The following RUSF1 variants were observed in gnomAD, a reference collection of about 807,000 sequenced individuals.
RUSF1 encodes the protein RUS1 family protein C16orf58.
In RUSF1, 58 loss-of-function variants were observed where a neutral mutation model predicts 63.0. That is an observed-to-expected ratio of 0.92 (90% CI 0.75 to 1.15). The LOEUF is 1.15. RUSF1 is among the 50% of genes most tolerant of loss of function. RUSF1 has a pLI of 0.00. For missense variants in RUSF1, 652 were observed against 611.0 expected (o/e 1.07, Z -0.71); for synonymous variants, 274 against 255.8 (o/e 1.07, Z -0.68).
At position 31,489,560 on chromosome 16, in the gene RUSF1, T is replaced by G; in HGVS notation, c.*1275A>C. The G allele has an allele frequency of 1.7e-6, 1 of 604,754 alleles. No homozygotes were observed. The highest frequency in any genetic ancestry group is 3.0e-6 in the Non-Finnish European group (1 of 338,526). 37.5% of individuals were successfully genotyped at this position (604,754 alleles called of 1,614,324 possible). ...TGTTGATGGGTTGGTGATTAAAGCC[T>G]CCCAAAGCCAATCCTTGGCATGGCC... On this transcript the variant is annotated 3_prime_UTR_variant, in exon 13 of 13. Coordinates refer to ENST00000327237, the MANE Select transcript of RUSF1 (RefSeq NM_022744.4).
chr16:31,504,885 G>A (rs761598814), intron 2 of RUSF1, among the ~76,000 whole-genome samples: 9 of 152,164 alleles, frequency 5.9e-5, no homozygotes, highest in South Asian at 2.1e-4. Context: ...GATCTAGGGC[G>A]GTGCAGGATG....
Position 31,508,204 on chromosome 16 carries a change from G to A in RUSF1, c.170C>T (p.Ala57Val), listed in dbSNP as rs1361501946. The A allele has an allele frequency of 2.6e-6, 4 of 1,564,786 alleles. No homozygotes were observed. The highest frequency in any genetic ancestry group is 2.7e-5 in the African/African-American group (2 of 73,462). ...AFTVKPEGRD[A>V]GEVGASGAPS... ...GGCCCCGGAAGCCCCCACTTCGCCC[G>A]CATCTCGTCCTTCAGGTTTGACCGT... Residue 57 changes from alanine (A) to valine (V), a missense_variant, in exon 1 of 13, where the codon GCG becomes GTG. Transcript: ENST00000327237.
intron 3 of RUSF1, among the ~76,000 whole-genome samples, chr16:31,499,849 C>A (rs1049724677): frequency 1.3e-5 from 2 of 152,100 alleles, no homozygotes; most frequent in African/African-American, 4.8e-5. Context: ...CTGCCTCTCT[C>A]CGTTCTTCTT....
intron 5 of RUSF1, among the ~76,000 whole-genome samples, chr16:31,498,204 G>A (rs2082614247): frequency 6.6e-6 from 1 of 152,176 alleles, no homozygotes; most frequent in Non-Finnish European, 1.5e-5. Flanking sequence ...GGGAACTCTA[G>A]AGAGGGGTCT....
At chr16:31,503,952 G>A (rs926728205) in intron 2 of RUSF1, among the ~76,000 whole-genome samples, 4 of 152,264 alleles carry the variant, frequency 2.6e-5, no homozygotes, top group African/African-American at 4.8e-5. Context: ...GTGAGCCACC[G>A]CACCTGGCCA....
chr16:31,503,158 G>A (rs1267509580), intron 2 of RUSF1, among the ~76,000 whole-genome samples: 10 of 152,132 alleles, frequency 6.6e-5, no homozygotes, highest in Non-Finnish European at 1.5e-4. Flanking sequence ...TGGCCAAGCT[G>A]TAAGATCTAG....
Position 31,499,526 on chromosome 16 carries a change from C to T in RUSF1, c.462-1G>A, listed in dbSNP as rs1316003591. 1.9e-6 allele frequency: 3 copies of T among 1,603,008 alleles called. No individual in the cohort carries two copies. The highest frequency in any genetic ancestry group is 3.4e-5 in the Admixed American group (2 of 59,270). On this transcript the variant is annotated splice_acceptor_variant, in intron 3 of 12. Coordinates refer to ENST00000327237, the MANE Select transcript of RUSF1 (RefSeq NM_022744.4). LOFTEE classifies it high-confidence loss of function. Reference sequence around the variant, plus strand: ...CTTGGCATTGCAGTCCAGTTTGCTCCTGTTGGGGAGGAGAGGTTGTTGTAA... The same window carrying T: ...CTTGGCATTGCAGTCCAGTTTGCTCTTGTTGGGGAGGAGAGGTTGTTGTAA...
chr16:31,497,959 T>C (rs145243351), intron 5 of RUSF1, among the ~76,000 whole-genome samples: 145 of 152,268 alleles, frequency 9.5e-4, no homozygotes, highest in Non-Finnish European at 1.8e-3. Context: ...GCACGGAGGC[T>C]ACCTGGGAAG....
At chr16:31,506,783 C>T (rs898948325) in intron 2 of RUSF1, among the ~76,000 whole-genome samples, 4 of 151,260 alleles carry the variant, frequency 2.6e-5, no homozygotes, top group African/African-American at 9.7e-5. Flanking sequence ...AGTGAGACTA[C>T]GAGTCTGGAA....
intron 6 of RUSF1, among the ~76,000 whole-genome samples, chr16:31,494,829 G>A (rs544108831): frequency 4.0e-5 from 6 of 151,870 alleles, no homozygotes; most frequent in Admixed American, 1.3e-4. Flanking sequence ...CTACCACCAC[G>A]CCTCTGCTAA....
At position 31,508,068 on chromosome 16, in the gene RUSF1, G is replaced by A. The variant is rs371609654; in HGVS notation, c.300+6C>T. The A allele has an allele frequency of 1.3e-6, 2 of 1,599,300 alleles. No individual in the cohort carries two copies. Among genetic ancestry groups the A allele is most frequent in the East Asian group, 2.3e-5 (1 of 43,642 alleles). ...ACTGTCCTCTGCCCCAGACGACCGAGCTGACCTGCACGGAATCCCACAGCT... is the reference window on the plus strand; with the variant it reads ...ACTGTCCTCTGCCCCAGACGACCGAACTGACCTGCACGGAATCCCACAGCT... On this transcript the variant is annotated splice_donor_region_variant and intron_variant, in intron 1 of 12. Transcript: ENST00000327237.
chr16:31,504,393 T>G (rs2082647800), intron 2 of RUSF1, among the ~76,000 whole-genome samples: 1 of 152,106 alleles, frequency 6.6e-6, no homozygotes, highest in Non-Finnish European at 1.5e-5. Flanking sequence ...CGCTGCTTCC[T>G]GAGTAGCTGG....
chr16:31,502,985 C>A (rs539845645), intron 2 of RUSF1, among the ~76,000 whole-genome samples: 8 of 152,360 alleles, frequency 5.3e-5, no homozygotes, highest in African/African-American at 1.7e-4. Context: ...AGGTGTATGT[C>A]CTCCTTGGGC....
At position 31,490,769 on chromosome 16, in the gene RUSF1, C is replaced by A; in HGVS notation, c.*66G>T. On this transcript the variant is annotated 3_prime_UTR_variant, in exon 13 of 13. Transcript: ENST00000327237. Reference sequence around the variant, plus strand: ...AAAAATAAAGCTGCCTTTCCCCTGTCCTGCTGTGGCCAAAGTGTCCTTGCT... The same window carrying A: ...AAAAATAAAGCTGCCTTTCCCCTGTACTGCTGTGGCCAAAGTGTCCTTGCT... 6.4e-7 allele frequency: 1 copy of A among 1,555,574 alleles called. No individual in the cohort carries two copies. The highest frequency in any genetic ancestry group is 1.1e-5 in the South Asian group (1 of 89,818).
intron 2 of RUSF1, among the ~76,000 whole-genome samples, chr16:31,506,674 T>C (rs978370409): frequency 4.6e-5 from 7 of 152,158 alleles, no homozygotes; most frequent in African/African-American, 1.7e-4. Context: ...TCCCAGCTAC[T>C]TGGGAAGCTG....
intron 6 of RUSF1, among the ~76,000 whole-genome samples, chr16:31,495,865 T>G (rs778795545): frequency 3.9e-5 from 6 of 152,180 alleles, no homozygotes; most frequent in Admixed American, 3.9e-4. Context: ...ACCAAAATAC[T>G]TGGCACATGG....
At chr16:31,493,561 G>C in intron 8 of RUSF1, 37 bp from the exon 9 acceptor site, 1 of 1,614,180 alleles carries the variant, frequency 6.2e-7, no homozygotes, top group Non-Finnish European at 8.5e-7. Flanking sequence ...TAGGCAGTGG[G>C]AGAGGTTGAG....
At position 31,503,274 on chromosome 16, in the gene RUSF1, G is replaced by T. The variant is rs918351820; in HGVS notation, c.416-2543C>A. On this transcript the variant is annotated intron_variant, in intron 2 of 12. Transcript: ENST00000327237. ...TGTGGTAGTTAAGAGTAGAACACAG[G>T]AATAAGTCTGCCTAGGTCAAAATCA... 2.0e-5 allele frequency among the ~76,000 whole-genome samples: 3 copies of T among 152,160 alleles called. No homozygotes were observed. The South Asian group carries it at 6.2e-4, about 31-fold the overall frequency.
intron 3 of RUSF1, among the ~76,000 whole-genome samples, chr16:31,500,027 A>G (rs1027754280): frequency 6.6e-6 from 1 of 152,188 alleles, no homozygotes; most frequent in African/African-American, 2.4e-5. Context: ...TCCGACATCC[A>G]GGCCTAGGGT....
Sources: allele counts gnomAD v4.1 joint callset (sites outside exome capture counted in the v4.1 genomes callset), GRCh38; gene constraint gnomAD v4.1.1; transcripts MANE v1.5; gene names NCBI Gene and HGNC (gene_info 2026-07-23, HGNC 2026-07-21).